CTDSPL: variants seen among roughly 807,000 people sequenced by gnomAD.
CTDSPL encodes CTD small phosphatase like.
A neutral mutation model predicts 30.5 loss-of-function variants in CTDSPL; 8 were observed. The observed-to-expected ratio is 0.26, with a 90% CI of 0.15 to 0.47. The LOEUF (loss-of-function observed/expected upper bound fraction) is 0.47. Ranked by LOEUF, CTDSPL falls within the 20% of genes least tolerant of loss-of-function variation. The pLI is 0.99. For synonymous variants in CTDSPL, 110 were observed against 137.9 expected (o/e 0.80, Z 1.42); for missense variants, 248 against 366.1 (o/e 0.68, Z 2.63).
intron 2 of CTDSPL, among the ~76,000 whole-genome samples, chr3:37,951,553 G>A (rs1699108261): frequency 6.6e-6 from 1 of 151,876 alleles, no homozygotes; most frequent in African/African-American, 2.4e-5. Context: ...GTGGAGGTGT[G>A]CATTTATAGT....
At chr3:37,892,650 C>T (rs1698341313) in intron 1 of CTDSPL, among the ~76,000 whole-genome samples, 1 of 152,006 alleles carries the variant, frequency 6.6e-6, no homozygotes, top group Admixed American at 6.6e-5. Context: ...AAGCTTGAGT[C>T]AGAGAGAACT....
At chr3:37,938,655 T>G (rs1427196694) in intron 1 of CTDSPL, among the ~76,000 whole-genome samples, 2 of 147,068 alleles carry the variant, frequency 1.4e-5, no homozygotes, top group East Asian at 3.9e-4. Flanking sequence ...CCCTGAACAT[T>G]TCATGTTTTT....
intron 4 of CTDSPL, among the ~76,000 whole-genome samples, chr3:37,964,941 G>A (rs185837635): frequency 4.5e-4 from 69 of 152,252 alleles, no homozygotes; most frequent in African/African-American, 1.6e-3. Context: ...TGCTGTAACC[G>A]CTGCAGAAAT....
chr3:37,879,832 G>T (rs1447790802), intron 1 of CTDSPL, among the ~76,000 whole-genome samples: 1 of 151,666 alleles, frequency 6.6e-6, no homozygotes, highest in Admixed American at 6.6e-5. Flanking sequence ...TACCTTATAG[G>T]GTTAATATGA....
rs1396118785 is a variant in CTDSPL at position 37,862,100 on chromosome 3, G to A, written c.-100G>A. ...GGGCGCGCCCAGGCAGCGGCTGCGA[G>A]CGCCCCCCCGCGCCGCGCCCCCGCG... is the stretch of plus-strand genomic sequence containing the variant. On this transcript the variant is annotated 5_prime_UTR_variant, in exon 1 of 8. Coordinates refer to ENST00000273179, the MANE Select transcript of CTDSPL (RefSeq NM_001008392.2). The surrounding 1 kb of genome is among the most constrained non-coding windows in gnomAD (Gnocchi z 4.3). 3.7e-6 allele frequency: 1 copy of A among 272,950 alleles called. No individual in the cohort carries two copies. Among genetic ancestry groups the A allele is most frequent in the East Asian group, 1.9e-4 (1 of 5,168 alleles). The allele number at this position is 272,950 out of a possible 1,614,324, so 16.9% of individuals were successfully genotyped here. A position where few individuals can be genotyped will look rare whatever the true frequency, so the allele number is the denominator to read the frequency against.
chr3:37,893,294 T>C (rs1698350865), intron 1 of CTDSPL, among the ~76,000 whole-genome samples: 1 of 152,200 alleles, frequency 6.6e-6, no homozygotes. Context: ...AAGGAAATCT[T>C]TGTGTTACCA....
intron 1 of CTDSPL, among the ~76,000 whole-genome samples, chr3:37,906,312 G>T (rs1698515013): frequency 6.6e-6 from 1 of 152,176 alleles, no homozygotes; most frequent in African/African-American, 2.4e-5. Flanking sequence ...TGTCTCAGGG[G>T]TCCAGCAGCC....
chr3:37,930,635 A>AGACTT (rs1365040484), intron 1 of CTDSPL, among the ~76,000 whole-genome samples: 1 of 152,136 alleles, frequency 6.6e-6, no homozygotes, highest in Non-Finnish European at 1.5e-5. Context: ...AAATTCTTAA[A>AGACTT]GACTTGTATT....
intron 1 of CTDSPL, among the ~76,000 whole-genome samples, chr3:37,869,900 G>A (rs74652510): frequency 0.013 from 1,955 of 152,234 alleles, 45 homozygotes; most frequent in African/African-American, 0.044. Context: ...CTGTTAATGC[G>A]ATAGATTAAA....
chr3:37,911,778 G>T, intron 1 of CTDSPL: 1 of 455,538 alleles, frequency 2.2e-6, no homozygotes, highest in Non-Finnish European at 4.4e-6. Context: ...AAGGAGGACA[G>T]CCAGGCGCGG....
intron 1 of CTDSPL, among the ~76,000 whole-genome samples, chr3:37,931,003 CT>C (rs374075430): frequency 2.6e-5 from 4 of 152,038 alleles, no homozygotes; most frequent in Non-Finnish European, 5.9e-5. Flanking sequence ...CTTTTGCTCT[CT>C]TTTTTTTCCG....
At position 37,982,655 on chromosome 3, in the gene CTDSPL, G is replaced by T; in HGVS notation, c.*1788G>T. On this transcript the variant is annotated 3_prime_UTR_variant, in exon 8 of 8. Coordinates refer to ENST00000273179, the MANE Select transcript of CTDSPL (RefSeq NM_001008392.2). ...TATTCAGAAGGGAAGTAAGTATTCA[G>T]GGGGTAAACAGGTCTCCCAGCATTC... 2.2e-6 allele frequency: 1 copy of T among 455,072 alleles called. No homozygotes were observed. The highest frequency in any genetic ancestry group is 1.5e-5 in the South Asian group (1 of 64,560). The allele number at this position is 455,072 out of a possible 1,614,324, so 28.2% of individuals were successfully genotyped here.
chr3:37,878,358 A>T (rs1159087915), intron 1 of CTDSPL, among the ~76,000 whole-genome samples: 2 of 152,110 alleles, frequency 1.3e-5, no homozygotes, highest in Admixed American at 6.5e-5. Flanking sequence ...TAGCTTTTGG[A>T]TAAAGTAAAA....
Position 37,975,692 on chromosome 3 carries a change from T to C in CTDSPL, c.520-17T>C. The C allele has an allele frequency of 1.9e-6, 3 of 1,589,722 alleles. No individual in the cohort carries two copies. The Middle Eastern group carries it at 5.5e-4, about 291-fold the overall frequency. ...TCTTTTAAACACCCAGCCTTCATTG[T>C]GACACGTCTTTTCCAGTATGCAGAC... On this transcript the variant is annotated splice_polypyrimidine_tract_variant and intron_variant, in intron 6 of 7. Transcript: ENST00000273179. This position sits in a 1 kb window ranked among gnomAD's most constrained non-coding sequence, Gnocchi z 4.9.
chr3:37,966,503 C>T (rs950025392), intron 4 of CTDSPL, among the ~76,000 whole-genome samples: 6 of 152,138 alleles, frequency 3.9e-5, no homozygotes, highest in African/African-American at 1.4e-4. Flanking sequence ...TAATATACTC[C>T]GTGGAATGTG....
At chr3:37,865,798 C>G (rs1159291239) in intron 1 of CTDSPL, among the ~76,000 whole-genome samples, 1 of 152,114 alleles carries the variant, frequency 6.6e-6, no homozygotes, top group Non-Finnish European at 1.5e-5. Flanking sequence ...ACCTGGAAAG[C>G]AGAAACGCAA....
At chr3:37,958,971 G>A (rs1044018138) in intron 3 of CTDSPL, among the ~76,000 whole-genome samples, 3 of 152,152 alleles carry the variant, frequency 2.0e-5, no homozygotes, top group South Asian at 4.1e-4. Flanking sequence ...ACCTGAAAAG[G>A]CGCCAGGTTG....
intron 1 of CTDSPL, among the ~76,000 whole-genome samples, chr3:37,872,987 G>T (rs1698093909): frequency 6.6e-6 from 1 of 152,144 alleles, no homozygotes; most frequent in African/African-American, 2.4e-5. Flanking sequence ...TGAAAGCCCT[G>T]ACTTCCTGTG....
intron 1 of CTDSPL, among the ~76,000 whole-genome samples, chr3:37,890,995 T>C (rs555448867): frequency 6.6e-6 from 1 of 152,310 alleles, no homozygotes; most frequent in East Asian, 1.9e-4. Flanking sequence ...TACTTCACTG[T>C]CTGAAGCTTG....
Sources: allele counts gnomAD v4.1 joint callset (sites outside exome capture counted in the v4.1 genomes callset), GRCh38; gene constraint gnomAD v4.1.1; non-coding constraint Gnocchi (gnomAD v3.1); transcripts MANE v1.5; gene names NCBI Gene and HGNC (gene_info 2026-07-23, HGNC 2026-07-21).